HCK: variants seen among roughly 807,000 people sequenced by gnomAD.
The protein encoded by HCK is HCK proto-oncogene, Src family tyrosine kinase, also known as tyrosine-protein kinase HCK.
A neutral mutation model predicts 70.4 loss-of-function variants in HCK; 40 were observed. The ratio of observed to expected loss-of-function variants is 0.57; its 90% CI spans 0.44 to 0.74. HCK has a LOEUF of 0.74. HCK is among the 30% of genes least tolerant of loss of function. The probability of loss-of-function intolerance (pLI) is 0.00; values close to 1 mark genes in which losing one functional copy is unlikely to be tolerated. For synonymous variants in HCK, 245 were observed against 263.2 expected (o/e 0.93, Z 0.67); for missense variants, 568 against 697.2 (o/e 0.81, Z 2.09).
intron 1 of HCK, among the ~76,000 whole-genome samples, chr20:32,068,367 A>G (rs1302121636): frequency 6.6e-6 from 1 of 151,474 alleles, no homozygotes; most frequent in Non-Finnish European, 1.5e-5. Flanking sequence ...AAGGAAAATA[A>G]AAATAAAGTA....
Position 32,079,824 on chromosome 20 carries a change from C to A in HCK, c.479C>A (p.Ala160Asp). The change falls in exon 6 of 13, where the codon GCT becomes GAT. Residue 160 changes from alanine (A) to aspartate (D), a missense_variant. Ala to Asp is a moderately radical substitution (Grantham distance 126, BLOSUM62 -2). Coordinates refer to ENST00000375852, the MANE Select transcript of HCK (RefSeq NM_002110.5). ...AAGGACGCAGAGCGCCAACTGCTGG[C>A]TCCCGGCAACATGCTGGGCTCCTTC... The A allele has an allele frequency of 1.2e-6, 2 of 1,614,156 alleles. No homozygotes were observed. Among genetic ancestry groups the A allele is most frequent in the Non-Finnish European group, 1.7e-6 (2 of 1,179,978 alleles).
intron 6 of HCK, 59 bp downstream of exon 6, chr20:32,079,936 C>T (rs1311103266): frequency 2.4e-6 from 3 of 1,245,464 alleles, no homozygotes; most frequent in African/African-American, 1.5e-5. Flanking sequence ...TGGGGCTGGC[C>T]ACCACCCTTT....
rs912406512 is a variant in HCK, at chr20:32,071,905, C to A, written c.183+123C>A. 4.1e-6 allele frequency: 5 copies of A among 1,205,586 alleles called. No individual in the cohort carries two copies. In the African/African-American group the frequency reaches 7.7e-5, roughly 19 times the overall value. The allele number at this position is 1,205,586 out of a possible 1,614,324, so 74.7% of individuals were successfully genotyped here. ...CTTGGGGTGAAAGGGAGCTGACTGG[C>A]CACCAACAGTGTCCTGACTCGACTC... On this transcript the variant is annotated intron_variant, in intron 2 of 12. Coordinates refer to ENST00000375852, the MANE Select transcript of HCK (RefSeq NM_002110.5).
intron 1 of HCK, among the ~76,000 whole-genome samples, chr20:32,059,046 A>T (rs1479184483): frequency 6.6e-6 from 1 of 152,244 alleles, no homozygotes; most frequent in East Asian, 1.9e-4. Context: ...AGACAAAGAG[A>T]TGAAGGTGCC....
chr20:32,092,298 T>C (rs191209672), intron 10 of HCK, among the ~76,000 whole-genome samples: 31 of 152,296 alleles, frequency 2.0e-4, no homozygotes, highest in Admixed American at 6.5e-4. Context: ...GGTGGTGTGA[T>C]CTGGAACAAG....
At chr20:32,098,723 G>A (rs1053497442) in intron 11 of HCK, among the ~76,000 whole-genome samples, 42 of 152,104 alleles carry the variant, frequency 2.8e-4, no homozygotes, top group African/African-American at 8.2e-4. Context: ...TCCACTCTTC[G>A]GAGTTGCAGT....
At chr20:32,094,788 A>AAG (rs879484597) in intron 11 of HCK, among the ~76,000 whole-genome samples, 4,750 of 20,534 alleles carry the variant, frequency 0.23, 395 homozygotes, top group Non-Finnish European at 0.29. Flanking sequence ...AGAGAGAAAG[A>AAG]GAAAGAAAGA....
chr20:32,082,370 G>A (rs1285315626), intron 6 of HCK, among the ~76,000 whole-genome samples: 1 of 152,132 alleles, frequency 6.6e-6, no homozygotes, highest in Non-Finnish European at 1.5e-5. Flanking sequence ...GGCCAGGTGA[G>A]GTGACTCAAG....
intron 5 of HCK, among the ~76,000 whole-genome samples, chr20:32,079,048 A>T (rs1272541124): frequency 6.6e-6 from 1 of 152,170 alleles, no homozygotes; most frequent in Non-Finnish European, 1.5e-5. Context: ...GGCTGAGGTC[A>T]GGTCTGGGGC....
chr20:32,095,469 C>T (rs919378858), intron 11 of HCK, among the ~76,000 whole-genome samples: 4 of 152,170 alleles, frequency 2.6e-5, no homozygotes, highest in Admixed American at 1.3e-4. Context: ...GTTGGCCAGG[C>T]TGAACTCAAA....
chr20:32,083,583 C>A (rs2045736462), intron 6 of HCK, among the ~76,000 whole-genome samples: 1 of 152,206 alleles, frequency 6.6e-6, no homozygotes, highest in Non-Finnish European at 1.5e-5. Context: ...AGTTTACAGG[C>A]ATTACTTCTT....
At chr20:32,059,299 C>T (rs1470259446) in intron 1 of HCK, among the ~76,000 whole-genome samples, 3 of 151,378 alleles carry the variant, frequency 2.0e-5, no homozygotes, top group Middle Eastern at 3.4e-3. Flanking sequence ...TTCCTTCCCT[C>T]CCTCCCTCCT....
rs1358100762 is a variant in HCK at position 32,093,870 on chromosome 20, A to G, written c.1100A>G (p.Glu367Gly). The stretch of plus-strand genomic sequence containing the variant: ...TCTCTGTTTGGGGTGCAGATTGCAG[A>G]AGGCATGGCCTTCATCGAGCAGAGG... Residue 367 changes from glutamate to glycine, a missense_variant, in exon 11 of 13, where the codon GAA (glutamate) becomes GGA (glycine). By Grantham distance (98) the Glu-to-Gly change is moderately conservative (BLOSUM62 -2). This residue lies in a region of HCK where 160 missense variants were observed against 237.5 expected (regional missense o/e 0.67). Transcript: ENST00000375852. 6.2e-7 allele frequency: 1 copy of G among 1,611,200 alleles called. No individual in the cohort carries two copies. Among genetic ancestry groups the G allele is most frequent in the East Asian group, 2.2e-5 (1 of 44,844 alleles).
intron 1 of HCK, among the ~76,000 whole-genome samples, chr20:32,056,145 A>G (rs2045267724): frequency 6.6e-6 from 1 of 152,218 alleles, no homozygotes; most frequent in African/African-American, 2.4e-5. Flanking sequence ...ATGTGCATAC[A>G]TGTATTTGTT....
intron 1 of HCK, among the ~76,000 whole-genome samples, chr20:32,071,445 G>C (rs1427785750): frequency 1.3e-5 from 2 of 152,278 alleles, no homozygotes; most frequent in Non-Finnish European, 2.9e-5. Context: ...CTGGGCCAGT[G>C]CTGTGGCACG....
intron 1 of HCK, among the ~76,000 whole-genome samples, chr20:32,068,803 G>C (rs1480995999): frequency 6.6e-6 from 1 of 151,710 alleles, no homozygotes; most frequent in Non-Finnish European, 1.5e-5. Context: ...GATTAGCCAG[G>C]CATGGTAGTT....
At chr20:32,052,514 A>G in intron 1 of HCK, 28 bp downstream of exon 1, 4 of 1,260,180 alleles carry the variant, frequency 3.2e-6, no homozygotes, top group Non-Finnish European at 3.0e-6. Flanking sequence ...GGGACCGGGA[A>G]TACCCGGCCC....
intron 2 of HCK, chr20:32,072,563 T>TAAAAAAAAAAA (rs199684278): frequency 5.5e-4 from 35 of 63,190 alleles, no homozygotes; most frequent in African/African-American, 2.3e-3. Flanking sequence ...CCTGTCTCTT[T>TAAAAAAAAAAA]AAAAAAAAAA....
In HCK at chr20:32,052,472, G is replaced by C; in HGVS notation, c.48G>C (p.Glu16Asp). 7.9e-7 allele frequency: 1 copy of C among 1,265,442 alleles called. No homozygotes were observed. The allele number at this position is 1,265,442 out of a possible 1,614,324, so 78.4% of individuals were successfully genotyped here. Residue 16 changes from glutamate (E) to aspartate (D), a missense_variant, in exon 1 of 13, where the codon GAG becomes GAC. Around this residue, in one of 4 missense-constraint regions of HCK, gnomAD observed 318 missense variants for 336.0 expected, o/e 0.95. Transcript: ENST00000375852. ...AGGATCCGGGCTGCCCGCGAGACGAGGAGCGGGCGCCCAGGTGAGTGCCGC... is the reference window on the plus strand; with the variant it reads ...AGGATCCGGGCTGCCCGCGAGACGACGAGCGGGCGCCCAGGTGAGTGCCGC...
Sources: gnomAD v4.1 joint callset for allele counts (sites outside exome capture counted in the v4.1 genomes callset) on GRCh38, gnomAD v4.1.1 for gene constraint, gnomAD v4.1.1 regional missense constraint, MANE v1.5 for transcripts, NCBI Gene and HGNC (gene_info 2026-07-23, HGNC 2026-07-21) for gene names.